LINC00305: variants seen among roughly 807,000 people sequenced by gnomAD.
LINC00305 encodes long intergenic non-protein coding RNA 305.
At chr18:64,110,885 G>A (rs1383746197) in intron 1 of LINC00305, among the ~76,000 whole-genome samples, 2 of 152,186 alleles carry the variant, frequency 1.3e-5, no homozygotes, top group East Asian at 1.9e-4. Context: ...GTGGATGGAC[G>A]CACTGCTAAT....
chr18:64,144,567 G>A (rs1184607253), intron 1 of LINC00305, among the ~76,000 whole-genome samples: 1 of 151,960 alleles, frequency 6.6e-6, no homozygotes, highest in Non-Finnish European at 1.5e-5. Flanking sequence ...GGAGTGCAAT[G>A]GTCTGATCTC....
At chr18:64,090,020 A>C (rs1046716153) in intron 3 of LINC00305, among the ~76,000 whole-genome samples, 1 of 152,168 alleles carries the variant, frequency 6.6e-6, no homozygotes, top group Non-Finnish European at 1.5e-5. Context: ...GCAGAGGGGA[A>C]AATACTTAAG....
chr18:64,098,574 C>T (rs1439441082), intron 2 of LINC00305: 2 of 447,870 alleles, frequency 4.5e-6, no homozygotes, highest in African/African-American at 4.0e-5. Context: ...AATGGTTACT[C>T]ACCATGTATA....
At chr18:64,113,376 A>T (rs976777419) in intron 1 of LINC00305, among the ~76,000 whole-genome samples, 4 of 152,246 alleles carry the variant, frequency 2.6e-5, no homozygotes, top group Non-Finnish European at 5.9e-5. Context: ...CAAGAAGAGT[A>T]GTTGCATATT....
At chr18:64,144,333 T>C (rs1468653749) in intron 1 of LINC00305, among the ~76,000 whole-genome samples, 1 of 152,160 alleles carries the variant, frequency 6.6e-6, no homozygotes, top group East Asian at 1.9e-4. Flanking sequence ...CCTGTGAATA[T>C]GCTACTTTAT....
intron 1 of LINC00305, chr18:64,103,957 T>C (rs2051278558): frequency 1.3e-5 from 2 of 152,342 alleles, no homozygotes; most frequent in East Asian, 1.9e-4. Context: ...CATATGTATA[T>C]GGTTATTTAA....
chr18:64,142,154 T>G (rs1003169591), intron 1 of LINC00305, among the ~76,000 whole-genome samples: 1 of 152,198 alleles, frequency 6.6e-6, no homozygotes, highest in African/African-American at 2.4e-5. Context: ...CCCAACAATG[T>G]GGATACGTGT....
Position 64,096,157 on chromosome 18 carries a change from A to G in LINC00305, n.540+1677T>C, listed in dbSNP as rs574140700. Among the ~76,000 whole-genome samples the G allele has an allele frequency of 1.3e-4, 20 of 152,182 alleles. No individual in the cohort carries two copies. The East Asian group carries it at 3.7e-3, about 28-fold the overall frequency. On this transcript the variant is annotated intron_variant and non_coding_transcript_variant, in intron 3 of 3. Coordinates refer to ENST00000666468, the Ensembl canonical transcript of LINC00305. ...ACTTAAGAAGCAAGTGCCTATATAC[A>G]TAAGAATCTTTATGCATAATAACAT...
chr18:64,080,709 A>G lies in LINC00305; in HGVS notation n.541-307T>C, dbSNP rs577764724. On this transcript the variant is annotated intron_variant and non_coding_transcript_variant, in intron 3 of 3. Coordinates refer to ENST00000666468, the Ensembl canonical transcript of LINC00305. ...AGATAATCTCTGACAGAAACAATAC[A>G]ATGATAAGTGAAAGATGTTATCAAA... Among the ~76,000 whole-genome samples the G allele has an allele frequency of 7.9e-5, 12 of 152,276 alleles. No homozygotes were observed. The South Asian group carries it at 2.5e-3, about 32-fold the overall frequency.
chr18:64,108,169 C>T (rs2051299379), intron 1 of LINC00305, among the ~76,000 whole-genome samples: 1 of 152,070 alleles, frequency 6.6e-6, no homozygotes, highest in Non-Finnish European at 1.5e-5. Context: ...GATAATAATC[C>T]AACTCTACAA....
chr18:64,117,731 T>A (rs1404304616), intron 1 of LINC00305, among the ~76,000 whole-genome samples: 1 of 152,212 alleles, frequency 6.6e-6, no homozygotes, highest in African/African-American at 2.4e-5. Context: ...TTGGTCCAAC[T>A]AGAGAACAAC....
chr18:64,080,370 G>C, exon 4 of LINC00305: 1 of 457,472 alleles, frequency 2.2e-6, no homozygotes, highest in Non-Finnish European at 4.4e-6. Context: ...TCAGGTCTCT[G>C]GTTGTAACCT....
chr18:64,128,823 T>C (rs2144266111), intron 1 of LINC00305, among the ~76,000 whole-genome samples: 1 of 152,108 alleles, frequency 6.6e-6, no homozygotes, highest in African/African-American at 2.4e-5. Context: ...ATCCAGCAAA[T>C]AAAAGAAATA....
intron 1 of LINC00305, chr18:64,098,712 C>T (rs2051256764): frequency 2.7e-6 from 1 of 373,772 alleles, no homozygotes; most frequent in Non-Finnish European, 5.3e-6. Context: ...GTGAGTAACC[C>T]TGGGAGTGTA....
At chr18:64,098,588 C>T (rs2051256125) in exon 2 of LINC00305, 2 of 448,144 alleles carry the variant, frequency 4.5e-6, no homozygotes, top group East Asian at 7.0e-5. Flanking sequence ...ATGTATAATG[C>T]ACAGTCTATG....
intron 3 of LINC00305, among the ~76,000 whole-genome samples, chr18:64,097,658 G>A (rs957763203): frequency 2.6e-5 from 4 of 151,794 alleles, no homozygotes; most frequent in African/African-American, 7.3e-5. Context: ...GAACTACTCC[G>A]CGTGGTCAGA....
chr18:64,148,699 G>A (rs2051510194), intron 1 of LINC00305: 1 of 152,174 alleles, frequency 6.6e-6, no homozygotes, highest in African/African-American at 2.4e-5. Flanking sequence ...GTGGCCATAA[G>A]GTGGCTGTTG....
chr18:64,109,552 C>T (rs149399001), intron 1 of LINC00305, among the ~76,000 whole-genome samples: 10 of 152,324 alleles, frequency 6.6e-5, no homozygotes, highest in African/African-American at 1.9e-4. Flanking sequence ...TTGTCATCAT[C>T]GGCCTCATCG....
At chr18:64,119,343 T>TAA (rs2051351698) in intron 1 of LINC00305, among the ~76,000 whole-genome samples, 1 of 152,118 alleles carries the variant, frequency 6.6e-6, no homozygotes, top group Non-Finnish European at 1.5e-5. Flanking sequence ...TAGAAGTGAT[T>TAA]AAATAGAAAT....
Sources: allele counts gnomAD v4.1 joint callset (sites outside exome capture counted in the v4.1 genomes callset), GRCh38; gene constraint gnomAD v4.1.1; transcripts MANE v1.5; gene names NCBI Gene and HGNC (gene_info 2026-07-23, HGNC 2026-07-21).